The following SUCO variants were observed in gnomAD, a reference collection of about 807,000 sequenced individuals.
SUCO encodes SUN domain containing ossification factor.
Under a neutral mutation model 148.1 loss-of-function variants are expected in SUCO, and 57 were observed. The observed-to-expected ratio is 0.38, with a 90% CI of 0.31 to 0.48. The LOEUF (loss-of-function observed/expected upper bound fraction) is 0.48, where lower values mean the gene tolerates loss of function less well. Among genes scored for constraint, SUCO ranks in the 20% least tolerant of loss-of-function variants. The probability of loss-of-function intolerance (pLI) is 0.96; values close to 1 mark genes in which losing one functional copy is unlikely to be tolerated. For synonymous variants in SUCO, 470 were observed against 502.7 expected (o/e 0.93, Z 0.87); for missense variants, 1,331 against 1,468.2 (o/e 0.91, Z 1.53).
rs2149269091 is a variant in SUCO at position 172,600,069 on chromosome 1, G to A, written c.2919G>A (p.Gln973=). 1.3e-6 allele frequency: 2 copies of A among 1,599,908 alleles called. No homozygotes were observed. The highest frequency in any genetic ancestry group is 3.6e-5 in the Admixed American group (2 of 55,598). ...AATAAATTCCTTTATCATAGGATCA[G>A]CGGCAAACTGAAGCCATCCAGTTGC... ...NTSRIAEEQD[Q]RQTEAIQLLQ... is the part of the protein sequence containing the mutation. The change falls in exon 20 of 24, where the codon CAG becomes CAA. Residue 973 remains glutamine, a synonymous_variant. Coordinates refer to ENST00000263688, the MANE Select transcript of SUCO (RefSeq NM_014283.5).
At chr1:172,555,047 G>A (rs1191852256) in intron 3 of SUCO, among the ~76,000 whole-genome samples, 1 of 151,940 alleles carries the variant, frequency 6.6e-6, no homozygotes, top group African/African-American at 2.4e-5. Flanking sequence ...TCCTTGAGCT[G>A]AACATGAGTA....
At chr1:172,549,778 G>C (rs886357175) in intron 1 of SUCO, among the ~76,000 whole-genome samples, 1 of 151,046 alleles carries the variant, frequency 6.6e-6, no homozygotes, top group Non-Finnish European at 1.5e-5. Context: ...TAGACACATA[G>C]TTGTAACATA....
chr1:172,559,077 T>C (rs1653950807), intron 6 of SUCO, among the ~76,000 whole-genome samples: 1 of 152,232 alleles, frequency 6.6e-6, no homozygotes, highest in African/African-American at 2.4e-5. Flanking sequence ...AATAACTCTG[T>C]CCCGTTAAGT....
intron 1 of SUCO, chr1:172,541,774 GGT>G: frequency 5.7e-6 from 4 of 705,186 alleles, no homozygotes; most frequent in Non-Finnish European, 7.0e-6. Flanking sequence ...ACAGGATTCT[GGT>G]GGACAAAACA....
intron 6 of SUCO, among the ~76,000 whole-genome samples, chr1:172,567,606 C>T (rs1398408468): frequency 1.3e-5 from 2 of 152,146 alleles, no homozygotes; most frequent in South Asian, 2.1e-4. Context: ...GTGACTACTG[C>T]AGTTCATCCA....
Position 172,537,285 on chromosome 1 carries a change from A to T in SUCO, c.62+3788A>T, listed in dbSNP as rs866829820. 3.5e-4 allele frequency among the ~76,000 whole-genome samples: 54 copies of T among 152,300 alleles called. 1 individual carries two copies. Among genetic ancestry groups the T allele is most frequent in the African/African-American group, 1.3e-3 (53 of 41,564 alleles). On this transcript the variant is annotated intron_variant, in intron 1 of 23. Transcript: ENST00000263688. ...TTAGATATTTAAGAAAAATGAGAAA[A>T]AAATAATAATTTCTGTTAACGGTAC...
intron 2 of SUCO, chr1:172,552,663 T>C (rs1571197168): frequency 1.0e-6 from 1 of 974,878 alleles, no homozygotes; most frequent in African/African-American, 1.7e-5. Flanking sequence ...AAAAAAACTA[T>C]AATTTTATAT....
chr1:172,533,205 C>T lies in SUCO; in HGVS notation c.-231C>T. On this transcript the variant is annotated 5_prime_UTR_variant, in exon 1 of 24. Coordinates refer to ENST00000263688, the MANE Select transcript of SUCO (RefSeq NM_014283.5). ...GGCGTGGACGAGCCGGTGGCTGCAG[C>T]GGCGGCGGTCCCCGGAGTCCTGTGA... The T allele has an allele frequency of 2.6e-6, 4 of 1,514,906 alleles. No homozygotes were observed. Among genetic ancestry groups the T allele is most frequent in the Non-Finnish European group, 3.5e-6 (4 of 1,131,602 alleles). The allele number at this position is 1,514,906 out of a possible 1,614,324, so 93.8% of individuals were successfully genotyped here.
Position 172,609,799 on chromosome 1 carries a change from T to C in SUCO, c.3322-17T>C, listed in dbSNP as rs1326541904. The stretch of plus-strand genomic sequence containing the variant: ...TGGGAAGTATCATTACTAACTTTTC[T>C]TTTACTTGTGTTGTAGAAGAAGCGC... On this transcript the variant is annotated splice_polypyrimidine_tract_variant and intron_variant, in intron 23 of 23. Transcript: ENST00000263688. 2 of 1,577,450 alleles carry C rather than the reference T, an allele frequency of 1.3e-6. No homozygotes were observed. The highest frequency in any genetic ancestry group is 2.4e-5 in the South Asian group (2 of 84,138).
chr1:172,562,504 G>T (rs777465884), intron 6 of SUCO, among the ~76,000 whole-genome samples: 1 of 151,954 alleles, frequency 6.6e-6, no homozygotes, highest in Non-Finnish European at 1.5e-5. Flanking sequence ...TCTAATTTTT[G>T]TATTTTTAGT....
At chr1:172,600,234 G>T in intron 20 of SUCO, 66 bp downstream of exon 20, 1 of 1,148,474 alleles carries the variant, frequency 8.7e-7, no homozygotes. Context: ...AGCCAGGCTT[G>T]TTAACATGAA....
At chr1:172,536,286 T>C (rs1652008581) in intron 1 of SUCO, among the ~76,000 whole-genome samples, 1 of 152,194 alleles carries the variant, frequency 6.6e-6, no homozygotes, top group Non-Finnish European at 1.5e-5. Context: ...GTATTTTATA[T>C]ATGTGGCTCC....
rs377068785 is a variant in SUCO at position 172,589,462 on chromosome 1, A to G, written c.2361A>G (p.Ile787Met). 4.1e-5 allele frequency: 66 copies of G among 1,611,700 alleles called. No individual in the cohort carries two copies. The African/African-American group carries it at 8.2e-4, about 20-fold the overall frequency. Residue 787 changes from isoleucine (I) to methionine (M), a missense_variant, in exon 18 of 24, where the codon ATA becomes ATG. Around this residue, in one of 3 missense-constraint regions of SUCO, gnomAD observed 992 missense variants for 1,093.5 expected, o/e 0.91. Transcript: ENST00000263688. Reference sequence around the variant, plus strand: ...AAAAGTCTGAGAGCTTTAGTTCTATAGAGAAACCATCTATTACCTATGAAA... The same window carrying G: ...AAAAGTCTGAGAGCTTTAGTTCTATGGAGAAACCATCTATTACCTATGAAA... ...TEQKSESFSS[I>M]EKPSITYETN...
rs1571308011 is a variant in SUCO, at chr1:172,610,246, C to T, written c.3752C>T (p.Ser1251Leu). 6 of 1,578,426 alleles carry T rather than the reference C, an allele frequency of 3.8e-6. No individual in the cohort carries two copies. The highest frequency in any genetic ancestry group is 1.7e-4 in the Middle Eastern group (1 of 5,860). The change falls in exon 24 of 24, where the codon TCG (serine) becomes TTG (leucine). Residue 1251 changes from serine (S) to leucine (L), a missense_variant. Transcript: ENST00000263688. ...GGAACATTTGGTGTTACAGCAGTCTCGGGACATATCTAAAATTAATTGAAC... is the reference window on the plus strand; with the variant it reads ...GGAACATTTGGTGTTACAGCAGTCTTGGGACATATCTAAAATTAATTGAAC... The part of the protein sequence containing the change: ...TVGTFGVTAV[S>L]GHI
intron 18 of SUCO, chr1:172,590,335 A>C: frequency 5.1e-6 from 5 of 985,176 alleles, no homozygotes; most frequent in Non-Finnish European, 6.0e-6. Context: ...ATAAGTGAAG[A>C]CAGAGATGGA....
chr1:172,584,388 C>A, intron 15 of SUCO: 1 of 940,762 alleles, frequency 1.1e-6, no homozygotes, highest in Non-Finnish European at 1.3e-6. Context: ...TTTTCCCTGT[C>A]CCAGTACAGA....
chr1:172,610,419 A>G lies in SUCO; in HGVS notation c.*160A>G, dbSNP rs1329657164. The G allele has an allele frequency of 5.3e-6, 6 of 1,138,716 alleles. No homozygotes were observed. Among genetic ancestry groups the G allele is most frequent in the East Asian group, 2.8e-5 (1 of 35,944 alleles). 70.5% of individuals were successfully genotyped at this position (1,138,716 alleles called of 1,614,324 possible). On this transcript the variant is annotated 3_prime_UTR_variant, in exon 24 of 24. Transcript: ENST00000263688. ...TTAAAAAGTAGATGGGATTGTGTCAATCTTGGTTAATGAGCTACAGTTTTA... is the reference window on the plus strand; with the variant it reads ...TTAAAAAGTAGATGGGATTGTGTCAGTCTTGGTTAATGAGCTACAGTTTTA...
At chr1:172,563,710 A>C (rs1279523300) in intron 6 of SUCO, among the ~76,000 whole-genome samples, 1 of 152,206 alleles carries the variant, frequency 6.6e-6, no homozygotes, top group Non-Finnish European at 1.5e-5. Flanking sequence ...AGAAAAACCC[A>C]TTCACTGGGG....
chr1:172,610,799 C>T lies in SUCO; in HGVS notation c.*540C>T, dbSNP rs1182802682. The T allele has an allele frequency of 6.6e-6, 1 of 152,550 alleles. No individual in the cohort carries two copies. The highest frequency in any genetic ancestry group is 1.5e-5 in the Non-Finnish European group (1 of 68,026). 9.4% of individuals were successfully genotyped at this position (152,550 alleles called of 1,614,324 possible). On this transcript the variant is annotated 3_prime_UTR_variant, in exon 24 of 24. Coordinates refer to ENST00000263688, the MANE Select transcript of SUCO (RefSeq NM_014283.5). ...ACAGTCTAAAGATCCTAAAAACTTG[C>T]CAACTGGATCTTTGTTTAGCAAACT...
Sources: gnomAD v4.1 joint callset for allele counts (sites outside exome capture counted in the v4.1 genomes callset) on GRCh38, gnomAD v4.1.1 for gene constraint, gnomAD v4.1.1 regional missense constraint, MANE v1.5 for transcripts, NCBI Gene and HGNC (gene_info 2026-07-23, HGNC 2026-07-21) for gene names.